HCFC2: variants seen among roughly 807,000 people sequenced by gnomAD.
HCFC2 encodes the protein host cell factor 2.
HCFC2 carries 18 observed loss-of-function variants against 89.2 expected under a neutral mutation model. That is an observed-to-expected ratio of 0.20 (90% CI 0.14 to 0.30). The LOEUF (loss-of-function observed/expected upper bound fraction) is 0.30, where lower values mean the gene tolerates loss of function less well. Among genes scored for constraint, HCFC2 ranks in the 10% least tolerant of loss-of-function variants. The probability of loss-of-function intolerance (pLI) is 1.00; values close to 1 mark genes in which losing one functional copy is unlikely to be tolerated. For synonymous variants in HCFC2, 308 were observed against 335.7 expected (o/e 0.92, Z 0.90); for missense variants, 578 against 956.1 (o/e 0.60, Z 5.21).
At position 104,064,805 on chromosome 12, in the gene HCFC2, A is replaced by C. The variant is rs915997368; in HGVS notation, c.163+82A>C. 1.6e-4 allele frequency: 213 copies of C among 1,311,564 alleles called. No individual in the cohort carries two copies. The highest frequency in any genetic ancestry group is 2.1e-4 in the Non-Finnish European group (207 of 987,982). 81.2% of individuals were successfully genotyped at this position (1,311,564 alleles called of 1,614,324 possible). A position where few individuals can be genotyped will look rare whatever the true frequency, so the allele number is the denominator to read the frequency against. ...AGGCGAGGCGGCGGCCGCGGCCCTG[A>C]CAGCTGTCACCGCCCGGTCACTGCT... On this transcript the variant is annotated intron_variant, in intron 1 of 14. Coordinates refer to ENST00000229330, the MANE Select transcript of HCFC2 (RefSeq NM_013320.3). This position sits in a 1 kb window ranked among gnomAD's most constrained non-coding sequence, Gnocchi z 7.3.
Position 104,068,856 on chromosome 12 carries a change from T to G in HCFC2, c.473+749T>G, listed in dbSNP as rs548837679. On this transcript the variant is annotated intron_variant, in intron 3 of 14. Coordinates refer to ENST00000229330, the MANE Select transcript of HCFC2 (RefSeq NM_013320.3). The surrounding 1 kb of genome is among the most constrained non-coding windows in gnomAD (Gnocchi z 4.1). ...TGGGGAACTATACTGTTCCATGTAG[T>G]TTTTTTTTTTAATAAATTTTATTTG... Among the ~76,000 whole-genome samples, 1 of 136,380 alleles carries G rather than the reference T, an allele frequency of 7.3e-6. No individual in the cohort carries two copies. Among genetic ancestry groups the G allele is most frequent in the African/African-American group, 2.5e-5 (1 of 39,602 alleles). 89.5% of individuals were successfully genotyped at this position (136,380 alleles called of 152,430 possible).
intron 8 of HCFC2, among the ~76,000 whole-genome samples, chr12:104,087,498 C>CATAT (rs1883904633): frequency 6.9e-6 from 1 of 145,208 alleles, no homozygotes; most frequent in African/African-American, 2.5e-5. Context: ...TATATATATA[C>CATAT]ACACATACAC....
intron 7 of HCFC2, among the ~76,000 whole-genome samples, chr12:104,083,994 C>G (rs142874457): frequency 1.3e-5 from 2 of 152,272 alleles, no homozygotes; most frequent in African/African-American, 4.8e-5. Flanking sequence ...CTCCACTGCA[C>G]TCCAGCCTGG....
At chr12:104,075,195 T>TA (rs57363649) in intron 3 of HCFC2, among the ~76,000 whole-genome samples, 116,636 of 148,140 alleles carry the variant, frequency 0.79, 45,953 homozygotes, top group Admixed American at 0.8. Flanking sequence ...TCTGTGAAAA[T>TA]AAAAAAAAAA....
chr12:104,077,495 C>T (rs924032885), intron 3 of HCFC2, among the ~76,000 whole-genome samples: 82 of 150,980 alleles, frequency 5.4e-4, no homozygotes, highest in Non-Finnish European at 8.1e-4. Flanking sequence ...CTGCCCGCCT[C>T]GGCCTCCCAA....
chr12:104,074,797 A>G (rs1883445517), intron 3 of HCFC2, among the ~76,000 whole-genome samples: 1 of 152,108 alleles, frequency 6.6e-6, no homozygotes, highest in Admixed American at 6.5e-5. Flanking sequence ...GAGTATCAGG[A>G]TTATGTTATC....
At chr12:104,077,098 T>TA (rs1883516409) in intron 3 of HCFC2, among the ~76,000 whole-genome samples, 1 of 152,340 alleles carries the variant, frequency 6.6e-6, no homozygotes, top group Admixed American at 6.5e-5. Flanking sequence ...GTCTGTTGTG[T>TA]GAGCGGTCAT....
chr12:104,080,278 A>C (rs1250918295), intron 4 of HCFC2, among the ~76,000 whole-genome samples: 1 of 152,216 alleles, frequency 6.6e-6, no homozygotes, highest in Non-Finnish European at 1.5e-5. Flanking sequence ...GACCTCCCCT[A>C]ATACCAAAAT....
intron 3 of HCFC2, among the ~76,000 whole-genome samples, chr12:104,075,084 G>A (rs1402889774): frequency 6.6e-6 from 1 of 151,682 alleles, no homozygotes; most frequent in Non-Finnish European, 1.5e-5. Flanking sequence ...GCCAGGTGTG[G>A]TGGTACGCAC....
chr12:104,085,232 T>C (rs1883798019), intron 7 of HCFC2, among the ~76,000 whole-genome samples: 1 of 152,210 alleles, frequency 6.6e-6, no homozygotes, highest in Admixed American at 6.5e-5. Flanking sequence ...CAGTAGCATG[T>C]ATTGTTTTTG....
At chr12:104,098,040 A>C in intron 12 of HCFC2, 1 of 229,398 alleles carries the variant, frequency 4.4e-6, no homozygotes. Flanking sequence ...CTGAAATGAC[A>C]ATGTTCTATA....
At chr12:104,085,517 TA>T (rs1883808701) in intron 7 of HCFC2, among the ~76,000 whole-genome samples, 1 of 152,198 alleles carries the variant, frequency 6.6e-6, no homozygotes, top group Non-Finnish European at 1.5e-5. Context: ...ATCTGTGACT[TA>T]AAAAGATTTT....
Position 104,068,986 on chromosome 12 carries a change from CA to C in HCFC2, c.473+880del, listed in dbSNP as rs1483017756. ...ATATCCGTCATTTCATATAGTTACC[CA>C]TTTTTTTCTGCCTGGGGCATGAGCA... On this transcript the variant is annotated intron_variant, in intron 3 of 14. Transcript: ENST00000229330. The surrounding 1 kb of genome is among the most constrained non-coding windows in gnomAD (Gnocchi z 4.1). Among the ~76,000 whole-genome samples, 2 of 151,884 alleles carry C rather than the reference CA, an allele frequency of 1.3e-5. No homozygotes were observed. Among genetic ancestry groups the C allele is most frequent in the African/African-American group, 4.8e-5 (2 of 41,332 alleles).
chr12:104,099,408 C>T (rs775706825), intron 13 of HCFC2, among the ~76,000 whole-genome samples: 5 of 151,922 alleles, frequency 3.3e-5, no homozygotes, highest in East Asian at 1.9e-4. Flanking sequence ...GTGTTAAGGC[C>T]CTTTGTATGG....
In HCFC2 at chr12:104,095,248, T is replaced by G; in HGVS notation, c.1463-112T>G. The G allele has an allele frequency of 1.2e-4, 91 of 746,156 alleles. No individual in the cohort carries two copies. Among genetic ancestry groups the G allele is most frequent in the East Asian group, 5.3e-5 (2 of 37,562 alleles). The allele number at this position is 746,156 out of a possible 1,614,324, so 46.2% of individuals were successfully genotyped here. ...TTCATACTAATACCATTTGTGGTGC[T>G]CATGTATGATTTTAAAACTGAAAGT... On this transcript the variant is annotated intron_variant, in intron 10 of 14. Transcript: ENST00000229330. This position sits in a 1 kb window ranked among gnomAD's most constrained non-coding sequence, Gnocchi z 4.2.
chr12:104,075,142 C>T (rs1291546280), intron 3 of HCFC2, among the ~76,000 whole-genome samples: 2 of 151,628 alleles, frequency 1.3e-5, no homozygotes, highest in Admixed American at 6.6e-5. Flanking sequence ...ATCATCTGAA[C>T]CCAGGAGTTT....
chr12:104,092,120 AC>A (rs1162691062), intron 9 of HCFC2, among the ~76,000 whole-genome samples: 25 of 152,222 alleles, frequency 1.6e-4, no homozygotes, highest in Non-Finnish European at 3.1e-4. Flanking sequence ...GGTTAGGTAG[AC>A]CTATAGGTTT....
At chr12:104,100,573 CA>C (rs113839454) in intron 13 of HCFC2, among the ~76,000 whole-genome samples, 27 of 143,602 alleles carry the variant, frequency 1.9e-4, no homozygotes, top group Admixed American at 2.1e-4. Flanking sequence ...GATGCTGTCT[CA>C]AAAAAAAAAA....
chr12:104,090,494 TTTC>T (rs1377723881), intron 9 of HCFC2, among the ~76,000 whole-genome samples: 2 of 147,666 alleles, frequency 1.4e-5, no homozygotes, highest in Non-Finnish European at 3.0e-5. Context: ...CTCAATTTCT[TTTC>T]TTTTTTTTTT....
Sources: allele counts gnomAD v4.1 joint callset (sites outside exome capture counted in the v4.1 genomes callset), GRCh38; gene constraint gnomAD v4.1.1; non-coding constraint Gnocchi (gnomAD v3.1); transcripts MANE v1.5; gene names NCBI Gene and HGNC (gene_info 2026-07-23, HGNC 2026-07-21).